PARD3: variants seen among roughly 807,000 people sequenced by gnomAD.
The protein encoded by PARD3 is par-3 family cell polarity regulator, also known as partitioning defective 3 homolog.
PARD3 carries 75 observed loss-of-function variants against 155.4 expected under a neutral mutation model. The observed-to-expected ratio is 0.48, with a 90% confidence interval of 0.40 to 0.58. PARD3 has a LOEUF of 0.58. Ranked by LOEUF, PARD3 falls within the 20% of genes least tolerant of loss-of-function variation. PARD3 has a pLI of 0.00. For synonymous variants in PARD3, 576 were observed against 610.5 expected (o/e 0.94, Z 0.83); for missense variants, 1,642 against 1,721.7 (o/e 0.95, Z 0.82).
intron 22 of PARD3, among the ~76,000 whole-genome samples, chr10:34,250,384 A>G (rs1954233425): frequency 6.6e-6 from 1 of 152,236 alleles, no homozygotes; most frequent in African/African-American, 2.4e-5. Context: ...GCAGGTTCTA[A>G]TGAAATATTA....
chr10:34,364,140 T>TA (rs1161799358), intron 12 of PARD3, among the ~76,000 whole-genome samples: 1 of 151,892 alleles, frequency 6.6e-6, no homozygotes, highest in Non-Finnish European at 1.5e-5. Flanking sequence ...GTGTTATCTA[T>TA]AAAAAAGGAA....
intron 2 of PARD3, among the ~76,000 whole-genome samples, chr10:34,618,821 T>C (rs1309808161): frequency 1.3e-5 from 2 of 152,048 alleles, no homozygotes. Context: ...GCACACCTCC[T>C]CCTCTCTCCT....
rs151122883 is a variant in PARD3, at chr10:34,384,155, G to T, written c.990C>A (p.Gly330=). 8 of 1,613,426 alleles carry T rather than the reference G, an allele frequency of 5.0e-6. No homozygotes were observed. Among genetic ancestry groups the T allele is most frequent in the East Asian group, 4.5e-5 (2 of 44,856 alleles). The part of the protein sequence containing the change: ...ENDCIVRIND[G]DLRNRRFEQA... The stretch of plus-strand genomic sequence containing the variant: ...GTTCAAATCTTCTATTTCGAAGGTC[G>T]CCATCATTAATCCTGACAATGCAAT... The change falls in exon 8 of 25, where the codon GGC becomes GGA. Residue 330 remains glycine (G), a synonymous_variant. Transcript: ENST00000374788.
chr10:34,406,295 GA>G (rs1844468027), intron 5 of PARD3, among the ~76,000 whole-genome samples: 1 of 152,162 alleles, frequency 6.6e-6, no homozygotes. Context: ...GACTTGCAAA[GA>G]GATCTTTATC....
intron 20 of PARD3, among the ~76,000 whole-genome samples, chr10:34,305,592 T>C (rs1455577377): frequency 6.6e-6 from 1 of 152,244 alleles, no homozygotes; most frequent in Non-Finnish European, 1.5e-5. Flanking sequence ...CACTCAACTA[T>C]ACAATCCTCA....
At chr10:34,347,380 G>C (rs1837543415) in intron 15 of PARD3, among the ~76,000 whole-genome samples, 1 of 152,240 alleles carries the variant, frequency 6.6e-6, no homozygotes, top group African/African-American at 2.4e-5. Flanking sequence ...GGGCCATGCA[G>C]ATAGGATGGT....
intron 22 of PARD3, among the ~76,000 whole-genome samples, chr10:34,171,950 C>CAAAAAA (rs71033303): frequency 5.9e-4 from 28 of 47,248 alleles, no homozygotes; most frequent in East Asian, 3.4e-3. Context: ...GACTCCATCT[C>CAAAAAA]AAAAAAAAAA....
chr10:34,721,596 A>G (rs1169869638), intron 1 of PARD3, among the ~76,000 whole-genome samples: 2 of 152,210 alleles, frequency 1.3e-5, no homozygotes, highest in Non-Finnish European at 2.9e-5. Context: ...AACTACTTGC[A>G]GGGTTCCCAA....
chr10:34,517,269 A>G lies in PARD3; in HGVS notation c.223-110T>C, dbSNP rs191389165. 1,545 of 910,560 alleles carry G rather than the reference A, an allele frequency of 1.7e-3. 2 individuals are homozygous for G. The highest frequency in any genetic ancestry group is 2.2e-3 in the Admixed American group (71 of 32,344). 56.4% of individuals were successfully genotyped at this position (910,560 alleles called of 1,614,324 possible). ...CAGTGCAAAAATACTGATATAAATG[A>G]CCCTAGAATGGTAAGTTTTACGAAG... On this transcript the variant is annotated intron_variant, in intron 2 of 24. Coordinates refer to ENST00000374788, the MANE Select transcript of PARD3 (RefSeq NM_001184785.2).
At chr10:34,725,606 G>T (rs974798442) in intron 1 of PARD3, among the ~76,000 whole-genome samples, 1 of 152,058 alleles carries the variant, frequency 6.6e-6, no homozygotes, top group Non-Finnish European at 1.5e-5. Flanking sequence ...TCTACCCTTG[G>T]GGGGGCACAA....
chr10:34,199,919 T>A (rs1019141260), intron 22 of PARD3, among the ~76,000 whole-genome samples: 5 of 152,262 alleles, frequency 3.3e-5, no homozygotes, highest in African/African-American at 1.2e-4. Context: ...ACCACATCCA[T>A]GAAAAACGGT....
chr10:34,194,662 T>C (rs1950864020), intron 22 of PARD3, among the ~76,000 whole-genome samples: 2 of 150,152 alleles, frequency 1.3e-5, no homozygotes, highest in African/African-American at 4.9e-5. Flanking sequence ...TTCCCCTCCA[T>C]GTTCAAGGCA....
intron 22 of PARD3, among the ~76,000 whole-genome samples, chr10:34,207,128 T>C (rs754538410): frequency 2.0e-5 from 3 of 152,096 alleles, no homozygotes; most frequent in Non-Finnish European, 4.4e-5. Context: ...ACAATTTAAC[T>C]AGGAAAACAA....
intron 6 of PARD3, 63 bp downstream of exon 6, chr10:34,401,763 C>T (rs1843906913): frequency 3.0e-6 from 3 of 1,011,918 alleles, no homozygotes; most frequent in Non-Finnish European, 4.8e-6. Context: ...TTTCAGAATA[C>T]TTGCTGCAAT....
intron 1 of PARD3, among the ~76,000 whole-genome samples, chr10:34,786,474 A>G (rs1393099894): frequency 1.3e-5 from 2 of 152,274 alleles, no homozygotes; most frequent in African/African-American, 4.8e-5. Context: ...GAGAAATAAC[A>G]AGGAGGCTCT....
intron 1 of PARD3, among the ~76,000 whole-genome samples, chr10:34,799,011 A>C (rs960035403): frequency 1.3e-5 from 2 of 152,144 alleles, no homozygotes; most frequent in African/African-American, 4.8e-5. Flanking sequence ...TATGGAGCTT[A>C]GGTATCAACA....
intron 19 of PARD3, among the ~76,000 whole-genome samples, chr10:34,327,067 TTA>T (rs1285664756): frequency 1.3e-5 from 2 of 152,212 alleles, no homozygotes; most frequent in Non-Finnish European, 2.9e-5. Flanking sequence ...AATGTATTTT[TTA>T]AAAGAAAACA....
intron 22 of PARD3, among the ~76,000 whole-genome samples, chr10:34,144,597 C>A (rs1163555059): frequency 2.6e-5 from 4 of 152,162 alleles, no homozygotes; most frequent in African/African-American, 9.7e-5. Context: ...GGTATTTAGA[C>A]ATTTCTGGGT....
chr10:34,431,491 C>T (rs561056638), intron 5 of PARD3, among the ~76,000 whole-genome samples: 1 of 152,264 alleles, frequency 6.6e-6, no homozygotes, highest in African/African-American at 2.4e-5. Context: ...CCTGTAATCC[C>T]AGCACTTTGG....
Sources: gnomAD v4.1 joint callset for allele counts (sites outside exome capture counted in the v4.1 genomes callset) on GRCh38, gnomAD v4.1.1 for gene constraint, MANE v1.5 for transcripts, NCBI Gene and HGNC (gene_info 2026-07-23, HGNC 2026-07-21) for gene names.